RORA: variants seen among roughly 807,000 people sequenced by gnomAD.
RORA encodes RAR related orphan receptor A.
Under a neutral mutation model 69.5 loss-of-function variants are expected in RORA, and 7 were observed. The ratio of observed to expected loss-of-function variants is 0.10; its 90% CI spans 0.06 to 0.19. RORA has a LOEUF of 0.19. Ranked by LOEUF, RORA falls within the 10% of genes least tolerant of loss-of-function variation. RORA has a pLI of 1.00. For synonymous variants in RORA, 261 were observed against 240.8 expected (o/e 1.08, Z -0.78); for missense variants, 457 against 663.0 (o/e 0.69, Z 3.41).
At chr15:60,832,101 A>G (rs144550423) in intron 1 of RORA, among the ~76,000 whole-genome samples, 72 of 152,332 alleles carry the variant, frequency 4.7e-4, no homozygotes, top group African/African-American at 1.6e-3. Flanking sequence ...CTCAATATCT[A>G]TTATCCCCTT....
intron 1 of RORA, among the ~76,000 whole-genome samples, chr15:60,805,075 C>T (rs906891326): frequency 1.3e-5 from 2 of 152,122 alleles, no homozygotes; most frequent in African/African-American, 2.4e-5. Context: ...CCCATGGATC[C>T]AGGGTGATGA....
chr15:61,088,278 G>T (rs888142169), intron 1 of RORA, among the ~76,000 whole-genome samples: 1 of 152,202 alleles, frequency 6.6e-6, no homozygotes, highest in Non-Finnish European at 1.5e-5. Flanking sequence ...ACAAAGTCTT[G>T]AAGGGCCAGT....
chr15:60,763,662 G>GC (rs536782956), intron 1 of RORA, among the ~76,000 whole-genome samples: 219 of 152,246 alleles, frequency 1.4e-3, no homozygotes, highest in African/African-American at 5.2e-3. Flanking sequence ...GGGAAAATAT[G>GC]CCAGGGGGGT....
chr15:60,561,944 T>C lies in RORA; in HGVS notation c.197-30093A>G, dbSNP rs144830819. 4.7e-3 allele frequency among the ~76,000 whole-genome samples: 709 copies of C among 152,116 alleles called. 9 individuals are homozygous for C. The highest frequency in any genetic ancestry group is 0.016 in the African/African-American group (682 of 41,484). ...TTATGGGTTTAACAAAAAAAAAAAT[T>C]TTTTTTCTTTTTTTTTGAGACGGAG... On this transcript the variant is annotated intron_variant, in intron 2 of 10. Transcript: ENST00000335670.
intron 1 of RORA, among the ~76,000 whole-genome samples, chr15:60,832,533 G>C (rs549668392): frequency 6.6e-6 from 1 of 152,100 alleles, no homozygotes. Flanking sequence ...CTCCAGCTCA[G>C]ACTTCGATGT....
At chr15:60,970,516 TCC>T (rs1459995690) in intron 1 of RORA, among the ~76,000 whole-genome samples, 1 of 152,198 alleles carries the variant, frequency 6.6e-6, no homozygotes, top group East Asian at 1.9e-4. Context: ...GTGAAGATGC[TCC>T]CCACTGCTGG....
At chr15:60,954,369 C>CATATATA (rs1338490105) in intron 1 of RORA, among the ~76,000 whole-genome samples, 1 of 148,982 alleles carries the variant, frequency 6.7e-6, no homozygotes, top group Non-Finnish European at 1.5e-5. Context: ...GTGCAGCGCA[C>CATATATA]CAGCATGGCA....
intron 1 of RORA, among the ~76,000 whole-genome samples, chr15:60,698,092 T>G (rs1418829394): frequency 6.6e-6 from 1 of 152,226 alleles, no homozygotes; most frequent in Non-Finnish European, 1.5e-5. Context: ...TGTATTTTAT[T>G]GTAGACATTG....
rs568394797 is a variant in RORA, at chr15:61,222,409, C to T, written c.166+6644G>A. Among the ~76,000 whole-genome samples, 103 of 152,308 alleles carry T rather than the reference C, an allele frequency of 6.8e-4. 2 individuals carry two copies. The South Asian group carries it at 0.02, about 30-fold the overall frequency. ...TGCACCAACACAGGGGAATTGTTAC[C>T]TATAATTCCTTTTAGCATTAGCATG... On this transcript the variant is annotated intron_variant, in intron 1 of 10. Coordinates refer to ENST00000335670, the MANE Select transcript of RORA (RefSeq NM_134261.3).
intron 1 of RORA, among the ~76,000 whole-genome samples, chr15:60,769,524 T>C (rs2072042545): frequency 6.6e-6 from 1 of 152,168 alleles, no homozygotes; most frequent in South Asian, 2.1e-4. Context: ...GGGATAATCT[T>C]AGACTAATAA....
rs1344307033 is a variant in RORA, at chr15:61,061,632, G to A, written c.166+167421C>T. 6.6e-6 allele frequency among the ~76,000 whole-genome samples: 1 copy of A among 152,036 alleles called. No individual in the cohort carries two copies. Among genetic ancestry groups the A allele is most frequent in the Non-Finnish European group, 1.5e-5 (1 of 68,030 alleles). On this transcript the variant is annotated intron_variant, in intron 1 of 10. Transcript: ENST00000335670. This position sits in a 1 kb window ranked among gnomAD's most constrained non-coding sequence, Gnocchi z 4.4. ...CCTAGGTATATTAAAAATAATTCAG[G>A]TTTACATAATCTATCTCTAATTGCA...
chr15:61,055,414 T>G (rs2078081904), intron 1 of RORA, among the ~76,000 whole-genome samples: 1 of 152,118 alleles, frequency 6.6e-6, no homozygotes, highest in Admixed American at 6.5e-5. Context: ...TGGCTAATGT[T>G]TACAGAGTGC....
intron 1 of RORA, among the ~76,000 whole-genome samples, chr15:60,744,085 CTT>C (rs149806580): frequency 7.1e-5 from 10 of 140,976 alleles, no homozygotes; most frequent in African/African-American, 1.3e-4. Flanking sequence ...GGGAAACTTC[CTT>C]TTTTTTTTTT....
At chr15:60,732,054 C>T (rs557402562) in intron 1 of RORA, among the ~76,000 whole-genome samples, 1 of 152,298 alleles carries the variant, frequency 6.6e-6, no homozygotes, top group South Asian at 2.1e-4. Context: ...TCTAAATCAA[C>T]TGTGCTATGG....
chr15:60,734,043 G>A (rs1324980933), intron 1 of RORA, among the ~76,000 whole-genome samples: 1 of 152,158 alleles, frequency 6.6e-6, no homozygotes, highest in Non-Finnish European at 1.5e-5. Context: ...GAGAGACAGA[G>A]AGTGAGATGG....
intron 1 of RORA, among the ~76,000 whole-genome samples, chr15:61,113,420 T>C (rs944726448): frequency 6.6e-6 from 1 of 152,078 alleles, no homozygotes; most frequent in Non-Finnish European, 1.5e-5. Flanking sequence ...AACATAAAAA[T>C]CATATGGGAG....
At chr15:61,130,052 A>G (rs2140840532) in intron 1 of RORA, among the ~76,000 whole-genome samples, 1 of 152,356 alleles carries the variant, frequency 6.6e-6, no homozygotes, top group South Asian at 2.1e-4. Flanking sequence ...AAAAAGGAAG[A>G]AGAAAAACAG....
At chr15:60,783,020 A>G (rs2072285632) in intron 1 of RORA, among the ~76,000 whole-genome samples, 1 of 152,220 alleles carries the variant, frequency 6.6e-6, no homozygotes, top group African/African-American at 2.4e-5. Context: ...ATACTACACA[A>G]ATTGTACTAC....
chr15:60,822,244 A>C (rs566891010), intron 1 of RORA, among the ~76,000 whole-genome samples: 29 of 152,298 alleles, frequency 1.9e-4, no homozygotes, highest in African/African-American at 6.5e-4. Flanking sequence ...CAAGAGCCTC[A>C]TTTTGCAAAG....
Sources: gnomAD v4.1 joint callset for allele counts (sites outside exome capture counted in the v4.1 genomes callset) on GRCh38, gnomAD v4.1.1 for gene constraint, Gnocchi (gnomAD v3.1) non-coding constraint, MANE v1.5 for transcripts, NCBI Gene and HGNC (gene_info 2026-07-23, HGNC 2026-07-21) for gene names.